Variants in GABRB1 observed in about 807,000 individuals in gnomAD.
GABRB1 encodes the protein gamma-aminobutyric acid type A receptor subunit beta1, also known as gamma-aminobutyric acid receptor subunit beta-1.
GABRB1 carries 17 observed loss-of-function variants against 51.6 expected under a neutral mutation model. The observed-to-expected ratio is 0.33, with a 90% CI of 0.23 to 0.49. The LOEUF is 0.49. GABRB1 is among the 20% of genes least tolerant of loss of function. GABRB1 has a pLI of 0.99. For synonymous variants in GABRB1, 247 were observed against 218.9 expected, an observed-to-expected ratio of 1.13 and a Z score of -1.14; for missense variants, 410 against 600.6, an observed-to-expected ratio of 0.68 and a Z score of 3.32.
At chr4:47,076,574 T>C (rs578229829) in intron 3 of GABRB1, among the ~76,000 whole-genome samples, 2 of 152,188 alleles carry the variant, frequency 1.3e-5, no homozygotes, top group African/African-American at 4.8e-5. Context: ...TTCTCTATTG[T>C]CTTCGGTTTA....
intron 5 of GABRB1, among the ~76,000 whole-genome samples, chr4:47,329,905 C>T (rs966218703): frequency 5.0e-4 from 76 of 151,874 alleles, no homozygotes; most frequent in Non-Finnish European, 1.5e-4. Flanking sequence ...AATTGGCTCA[C>T]GCAATTATGG....
intron 4 of GABRB1, among the ~76,000 whole-genome samples, chr4:47,229,153 T>G (rs1721052247): frequency 6.6e-6 from 1 of 152,122 alleles, no homozygotes; most frequent in East Asian, 1.9e-4. Flanking sequence ...TCAAATGGCT[T>G]TTTGGAGACT....
intron 5 of GABRB1, among the ~76,000 whole-genome samples, chr4:47,321,994 G>A (rs758414142): frequency 1.3e-5 from 2 of 151,946 alleles, no homozygotes; most frequent in African/African-American, 4.8e-5. Context: ...TTCTATTATA[G>A]GTTGATATTT....
chr4:47,014,126 A>T (rs1484210514), intron 1 of GABRB1, among the ~76,000 whole-genome samples: 4 of 152,186 alleles, frequency 2.6e-5, no homozygotes, highest in Non-Finnish European at 5.9e-5. Context: ...AACTCTAAAA[A>T]CACTAGAGAT....
At chr4:47,058,294 T>C (rs1327204246) in intron 3 of GABRB1, among the ~76,000 whole-genome samples, 2 of 152,120 alleles carry the variant, frequency 1.3e-5, no homozygotes, top group African/African-American at 4.8e-5. Context: ...ATTGAACAAA[T>C]AGCAAATAGA....
intron 5 of GABRB1, 138 bp from the exon 6 acceptor site, chr4:47,403,180 T>G: frequency 1.2e-6 from 1 of 807,086 alleles, no homozygotes; most frequent in Non-Finnish European, 2.0e-6. Context: ...GCACTCCACA[T>G]GAGACCTGCA....
At chr4:47,421,413 A>C (rs1039477382) in intron 8 of GABRB1, among the ~76,000 whole-genome samples, 5 of 152,098 alleles carry the variant, frequency 3.3e-5, no homozygotes, top group African/African-American at 1.2e-4. Context: ...TAATAATGTA[A>C]CTTAATGATG....
At chr4:47,140,092 TAACACAC>T (rs1193275974) in intron 3 of GABRB1, among the ~76,000 whole-genome samples, 7 of 96,362 alleles carry the variant, frequency 7.3e-5, no homozygotes, top group Non-Finnish European at 1.2e-4. Context: ...TAAATTAAAT[TAACACAC>T]ACACACACAC....
At chr4:47,088,242 G>T (rs765552483) in intron 3 of GABRB1, among the ~76,000 whole-genome samples, 10 of 152,162 alleles carry the variant, frequency 6.6e-5, no homozygotes, top group African/African-American at 2.4e-4. Context: ...GGGTGCTGGG[G>T]ACAGAGATGA....
intron 3 of GABRB1, among the ~76,000 whole-genome samples, chr4:47,064,184 T>A (rs114153511): frequency 8.9e-4 from 136 of 152,262 alleles, no homozygotes; most frequent in Middle Eastern, 6.8e-3. Context: ...TCAAGGTGAG[T>A]TTGCCTCTGC....
At chr4:47,424,455 A>C (rs947302027) in intron 8 of GABRB1, among the ~76,000 whole-genome samples, 1 of 152,210 alleles carries the variant, frequency 6.6e-6, no homozygotes, top group Admixed American at 6.5e-5. Context: ...CCACGGTTGC[A>C]CCATCATGTG....
intron 5 of GABRB1, among the ~76,000 whole-genome samples, chr4:47,353,755 G>A (rs1256608014): frequency 1.3e-5 from 2 of 151,972 alleles, no homozygotes; most frequent in Non-Finnish European, 2.9e-5. Flanking sequence ...TATCACCTTC[G>A]ACATTCCCAT....
At chr4:47,111,793 A>T (rs1185775249) in intron 3 of GABRB1, among the ~76,000 whole-genome samples, 1 of 151,398 alleles carries the variant, frequency 6.6e-6, no homozygotes, top group Admixed American at 6.6e-5. Context: ...TGAGCCCAGG[A>T]GATCGAGGCT....
Position 47,290,162 on chromosome 4 carries a change from A to G in GABRB1, c.462-29965A>G, listed in dbSNP as rs184162606. 1.2e-4 allele frequency among the ~76,000 whole-genome samples: 19 copies of G among 152,340 alleles called. No homozygotes were observed. The East Asian group carries it at 3.5e-3, about 28-fold the overall frequency. On this transcript the variant is annotated intron_variant, in intron 4 of 8. Coordinates refer to ENST00000295454, the MANE Select transcript of GABRB1 (RefSeq NM_000812.4). ...ACAGTTTGGCTATGTCTCCACCCAGATCTCAACTTGAATTCCCAAGTGTTG... is the reference window on the plus strand; with the variant it reads ...ACAGTTTGGCTATGTCTCCACCCAGGTCTCAACTTGAATTCCCAAGTGTTG...
intron 4 of GABRB1, among the ~76,000 whole-genome samples, chr4:47,185,020 C>T (rs1719114399): frequency 6.6e-6 from 1 of 151,824 alleles, no homozygotes; most frequent in African/African-American, 2.4e-5. Flanking sequence ...TTCCCACAGC[C>T]ACATATATCG....
intron 5 of GABRB1, among the ~76,000 whole-genome samples, chr4:47,368,177 C>T (rs1440318645): frequency 6.6e-6 from 1 of 152,134 alleles, no homozygotes; most frequent in Admixed American, 6.5e-5. Flanking sequence ...AATCTCCACC[C>T]CTGCTTATGT....
At chr4:47,240,840 T>C (rs1281257710) in intron 4 of GABRB1, among the ~76,000 whole-genome samples, 2 of 152,148 alleles carry the variant, frequency 1.3e-5, no homozygotes, top group East Asian at 3.9e-4. Context: ...TTACCTGCCT[T>C]TATTATTTTA....
chr4:47,095,825 G>A (rs771661254), intron 3 of GABRB1, among the ~76,000 whole-genome samples: 17 of 152,170 alleles, frequency 1.1e-4, no homozygotes, highest in Non-Finnish European at 1.8e-4. Context: ...GCCATCGGTA[G>A]TCTTTACCTG....
At chr4:47,390,667 A>G (rs1727956587) in intron 5 of GABRB1, among the ~76,000 whole-genome samples, 1 of 152,196 alleles carries the variant, frequency 6.6e-6, no homozygotes, top group South Asian at 2.1e-4. Flanking sequence ...TTGGTATCCA[A>G]GTGTTCAGCT....
Sources: allele counts gnomAD v4.1 joint callset (sites outside exome capture counted in the v4.1 genomes callset), GRCh38; gene constraint gnomAD v4.1.1; transcripts MANE v1.5; gene names NCBI Gene and HGNC (gene_info 2026-07-23, HGNC 2026-07-21).